The following CHST11 variants were observed in gnomAD, a reference collection of about 807,000 sequenced individuals.
CHST11 encodes the protein C4S-1.
CHST11 carries 9 observed loss-of-function variants against 30.4 expected under a neutral mutation model. The ratio of observed to expected loss-of-function variants is 0.30; its 90% CI spans 0.18 to 0.52. The LOEUF (loss-of-function observed/expected upper bound fraction) is 0.52. Ranked by LOEUF, CHST11 falls within the 20% of genes least tolerant of loss-of-function variation. The pLI is 0.97. For missense variants in CHST11, 348 were observed against 460.6 expected (o/e 0.76, Z 2.24); for synonymous variants, 152 against 187.8 (o/e 0.81, Z 1.56).
chr12:104,464,067 C>CTTTT (rs35504512), intron 1 of CHST11, among the ~76,000 whole-genome samples: 1 of 135,002 alleles, frequency 7.4e-6, no homozygotes, highest in African/African-American at 2.8e-5. Context: ...CCTACTTGCA[C>CTTTT]TTTTTTTTTT....
chr12:104,613,204 GA>G (rs145171796), intron 2 of CHST11, among the ~76,000 whole-genome samples: 29,843 of 142,856 alleles, frequency 0.21, 3,601 homozygotes, highest in Admixed American at 0.29. Context: ...GTCTCAAAAA[GA>G]AAAAAAAAAG....
intron 1 of CHST11, among the ~76,000 whole-genome samples, chr12:104,558,601 C>T (rs542046324): frequency 2.8e-5 from 4 of 142,264 alleles, no homozygotes; most frequent in African/African-American, 5.1e-5. Context: ...TGCAGTGGCG[C>T]GATCTTGGGC....
intron 2 of CHST11, among the ~76,000 whole-genome samples, chr12:104,605,152 C>CAAAAA (rs3039180): frequency 1.1e-5 from 1 of 93,516 alleles, no homozygotes; most frequent in Non-Finnish European, 2.2e-5. Context: ...ATCCCCTCTC[C>CAAAAA]AAAAAAAAAA....
intron 1 of CHST11, among the ~76,000 whole-genome samples, chr12:104,468,569 A>G (rs895225209): frequency 6.6e-6 from 1 of 152,338 alleles, no homozygotes; most frequent in African/African-American, 2.4e-5. Context: ...GAATGATTGC[A>G]GTTTAGTGAT....
intron 2 of CHST11, among the ~76,000 whole-genome samples, chr12:104,725,400 G>A (rs1348088505): frequency 6.6e-6 from 1 of 152,118 alleles, no homozygotes; most frequent in African/African-American, 2.4e-5. Flanking sequence ...TCATGACCTC[G>A]AGTGAGTCAG....
intron 2 of CHST11, among the ~76,000 whole-genome samples, chr12:104,605,447 C>T (rs1250179190): frequency 1.3e-5 from 2 of 152,136 alleles, no homozygotes; most frequent in Non-Finnish European, 1.5e-5. Context: ...GGCGTGGTGG[C>T]GGGCGCCTAC....
intron 1 of CHST11, among the ~76,000 whole-genome samples, chr12:104,506,549 C>G (rs772917603): frequency 3.3e-5 from 5 of 152,128 alleles, no homozygotes; most frequent in Non-Finnish European, 5.9e-5. Flanking sequence ...CTCAGATAGT[C>G]GATTCATTAG....
chr12:104,598,619 C>G (rs1161218292), intron 1 of CHST11, among the ~76,000 whole-genome samples: 2 of 152,160 alleles, frequency 1.3e-5, no homozygotes, highest in South Asian at 2.1e-4. Context: ...CAGAAATCTG[C>G]TTTTTTAACA....
chr12:104,526,129 G>A (rs1021330555), intron 1 of CHST11, among the ~76,000 whole-genome samples: 2 of 151,382 alleles, frequency 1.3e-5, no homozygotes, highest in African/African-American at 4.9e-5. Flanking sequence ...TTTTTTTCTT[G>A]TTGACCAGTG....
chr12:104,585,978 C>G (rs762027549), intron 1 of CHST11, among the ~76,000 whole-genome samples: 3 of 152,170 alleles, frequency 2.0e-5, no homozygotes, highest in Non-Finnish European at 2.9e-5. Flanking sequence ...CTAGTCTGAC[C>G]TCACTTAATT....
chr12:104,597,540 C>A (rs912580195), intron 1 of CHST11, among the ~76,000 whole-genome samples: 1 of 152,138 alleles, frequency 6.6e-6, no homozygotes, highest in African/African-American at 2.4e-5. Context: ...AAGAACCAAA[C>A]CTCTCTGATG....
At chr12:104,472,731 G>A (rs969327811) in intron 1 of CHST11, among the ~76,000 whole-genome samples, 2 of 152,228 alleles carry the variant, frequency 1.3e-5, no homozygotes, top group Non-Finnish European at 2.9e-5. Flanking sequence ...CTGTTACAAA[G>A]AGAGACAAAC....
chr12:104,647,906 T>C (rs1225137265), intron 2 of CHST11, among the ~76,000 whole-genome samples: 1 of 152,226 alleles, frequency 6.6e-6, no homozygotes, highest in East Asian at 1.9e-4. Context: ...ACGTGGCCTT[T>C]CCACTAGACT....
At chr12:104,581,918 G>T (rs1245903439) in intron 1 of CHST11, among the ~76,000 whole-genome samples, 2 of 152,208 alleles carry the variant, frequency 1.3e-5, no homozygotes, top group African/African-American at 4.8e-5. Flanking sequence ...AAAAGGAAGA[G>T]AAGTTGAGAA....
At chr12:104,475,658 T>TTTATATATATATATA (rs770441229) in intron 1 of CHST11, among the ~76,000 whole-genome samples, 1 of 34,172 alleles carries the variant, frequency 2.9e-5, no homozygotes, top group African/African-American at 6.8e-5. Context: ...TAAAGCAGCA[T>TTTATATATATATATA]TATATATATA....
chr12:104,699,837 G>A (rs930786903), intron 2 of CHST11, among the ~76,000 whole-genome samples: 5 of 152,194 alleles, frequency 3.3e-5, no homozygotes, highest in Admixed American at 6.5e-5. Flanking sequence ...CAGCAGGGGC[G>A]GGAAATGATG....
In CHST11 at chr12:104,619,736, G is replaced by C. The variant is rs536376883; in HGVS notation, c.204+17745G>C. On this transcript the variant is annotated intron_variant, in intron 2 of 2. Transcript: ENST00000303694. ...TTTACACCGATCCATAGACTTACTGGGTTTTGGTTGGCTCCGGGTTCAGAA... is the reference window on the plus strand; with the variant it reads ...TTTACACCGATCCATAGACTTACTGCGTTTTGGTTGGCTCCGGGTTCAGAA... Among the ~76,000 whole-genome samples, 9 of 152,290 alleles carry C rather than the reference G, an allele frequency of 5.9e-5. No individual in the cohort carries two copies. The South Asian group carries it at 1.9e-3, about 32-fold the overall frequency.
chr12:104,657,464 G>T (rs919042808), intron 2 of CHST11, among the ~76,000 whole-genome samples: 3 of 151,838 alleles, frequency 2.0e-5, no homozygotes, highest in Non-Finnish European at 4.4e-5. Context: ...CCCAGCCTTT[G>T]TTGGGAATGG....
chr12:104,569,287 C>A (rs2038599955), intron 1 of CHST11, among the ~76,000 whole-genome samples: 2 of 152,190 alleles, frequency 1.3e-5, no homozygotes, highest in African/African-American at 4.8e-5. Context: ...GTCTTAGTTA[C>A]TAGAGCTCAG....
Sources: gnomAD v4.1 joint callset for allele counts (sites outside exome capture counted in the v4.1 genomes callset) on GRCh38, gnomAD v4.1.1 for gene constraint, MANE v1.5 for transcripts, NCBI Gene and HGNC (gene_info 2026-07-23, HGNC 2026-07-21) for gene names.